The following ZZZ3 variants were observed in gnomAD, a reference collection of about 807,000 sequenced individuals.
ZZZ3 encodes zinc finger ZZ-type containing 3, also known as ZZ-type zinc finger-containing protein 3.
Under a neutral mutation model 95.2 loss-of-function variants are expected in ZZZ3, and 22 were observed. The ratio of observed to expected loss-of-function variants is 0.23; its 90% CI spans 0.17 to 0.33. The LOEUF is 0.33. ZZZ3 is among the 10% of genes least tolerant of loss of function. The pLI is 1.00. For missense variants in ZZZ3, 885 were observed against 1,066.5 expected, an observed-to-expected ratio of 0.83 and a Z score of 2.37; for synonymous variants, 335 against 358.9, an observed-to-expected ratio of 0.93 and a Z score of 0.75.
rs1027354 is a variant in ZZZ3 at position 77,565,748 on chromosome 1, T to C, written c.2604A>G (p.Gln868=). The part of the protein sequence containing the change: ...HETDIHKEDH[Q]LEPIYRSETF... Reference sequence around the variant, plus strand: ...TCTCTGACCTATAAATAGGTTCTAATTGGTGATCTTCCTTGTGAATATCTG... The same window carrying C: ...TCTCTGACCTATAAATAGGTTCTAACTGGTGATCTTCCTTGTGAATATCTG... Residue 868 remains glutamine, a synonymous_variant, in exon 15 of 15, where the codon CAA becomes CAG. Transcript: ENST00000370801. 4.3e-4 allele frequency: 696 copies of C among 1,613,724 alleles called. 5 individuals are homozygous for C. In the African/African-American group the frequency reaches 8.4e-3, roughly 19 times the overall value.
intron 4 of ZZZ3, among the ~76,000 whole-genome samples, chr1:77,636,941 A>C (rs1445853205): frequency 1.3e-5 from 2 of 152,176 alleles, no homozygotes; most frequent in Admixed American, 6.5e-5. Context: ...ATTCTGTGCT[A>C]TTGGGCTGTA....
At chr1:77,572,633 C>T (rs535109672) in intron 12 of ZZZ3, among the ~76,000 whole-genome samples, 4 of 151,556 alleles carry the variant, frequency 2.6e-5, no homozygotes, top group South Asian at 2.1e-4. Context: ...ACACTGCGCC[C>T]GGCCTTTTTG....
At chr1:77,668,054 G>A (rs116542517) in intron 1 of ZZZ3, among the ~76,000 whole-genome samples, 1,885 of 151,650 alleles carry the variant, frequency 0.012, 36 homozygotes, top group African/African-American at 0.044. Context: ...GGTGTGAGCC[G>A]CTACACCTGG....
chr1:77,651,469 T>C (rs1166087594), intron 1 of ZZZ3, among the ~76,000 whole-genome samples: 1 of 152,190 alleles, frequency 6.6e-6, no homozygotes, highest in East Asian at 1.9e-4. Flanking sequence ...CATATGATGC[T>C]AAAAGCATAA....
chr1:77,607,384 T>C (rs534712653), intron 5 of ZZZ3, among the ~76,000 whole-genome samples: 3 of 152,298 alleles, frequency 2.0e-5, no homozygotes, highest in East Asian at 3.9e-4. Flanking sequence ...AAGGTGAGAC[T>C]TGGGTGGGAA....
intron 5 of ZZZ3, among the ~76,000 whole-genome samples, chr1:77,602,900 G>A (rs1341564243): frequency 4.6e-5 from 7 of 151,980 alleles, no homozygotes; most frequent in Admixed American, 4.6e-4. Context: ...ACCACGCTCG[G>A]CTACATGAGT....
In ZZZ3 at chr1:77,669,439, A is replaced by G. The variant is rs193157544; in HGVS notation, c.-403+13146T>C. 5.3e-3 allele frequency among the ~76,000 whole-genome samples: 805 copies of G among 151,912 alleles called. 8 individuals carry two copies. The highest frequency in any genetic ancestry group is 0.018 in the African/African-American group (759 of 41,394). On this transcript the variant is annotated intron_variant, in intron 1 of 14. Coordinates refer to ENST00000370801, the MANE Select transcript of ZZZ3 (RefSeq NM_015534.6). ...AGAAATTAAGAGCTAGAATACCATT[A>G]AACTTTCTTTCTCAGTTTTTTTTTT... is the stretch of plus-strand genomic sequence containing the variant.
intron 5 of ZZZ3, among the ~76,000 whole-genome samples, chr1:77,588,163 C>T (rs1663296720): frequency 6.6e-6 from 1 of 152,156 alleles, no homozygotes; most frequent in Non-Finnish European, 1.5e-5. Flanking sequence ...GTTCAAGGGT[C>T]AACTGTGGTG....
At chr1:77,604,788 CAA>C (rs1570479988) in intron 5 of ZZZ3, among the ~76,000 whole-genome samples, 1 of 152,120 alleles carries the variant, frequency 6.6e-6, no homozygotes, top group Non-Finnish European at 1.5e-5. Flanking sequence ...AACCACATTC[CAA>C]AGTTTCCTAT....
chr1:77,637,535 T>A (rs1668413672), intron 4 of ZZZ3, among the ~76,000 whole-genome samples: 1 of 152,172 alleles, frequency 6.6e-6, no homozygotes, highest in African/African-American at 2.4e-5. Flanking sequence ...ATGTCTAGAT[T>A]AGCCAGGTGC....
intron 5 of ZZZ3, among the ~76,000 whole-genome samples, chr1:77,615,366 C>T (rs183811420): frequency 1.8e-4 from 27 of 152,188 alleles, no homozygotes; most frequent in Middle Eastern, 3.4e-3. Context: ...AGTATGACAA[C>T]GGTTAAAATC....
chr1:77,620,195 T>A (rs988218199), intron 5 of ZZZ3, among the ~76,000 whole-genome samples: 2 of 152,140 alleles, frequency 1.3e-5, no homozygotes, highest in African/African-American at 4.8e-5. Context: ...CAGTTAGGCA[T>A]ATGAGGAGGG....
chr1:77,569,678 G>C (rs1426689765), intron 12 of ZZZ3, among the ~76,000 whole-genome samples: 1 of 152,050 alleles, frequency 6.6e-6, no homozygotes, highest in East Asian at 1.9e-4. Context: ...GCCATACCTT[G>C]GACCTTGCCT....
At chr1:77,676,506 A>G (rs1672283137) in intron 1 of ZZZ3, among the ~76,000 whole-genome samples, 1 of 152,234 alleles carries the variant, frequency 6.6e-6, no homozygotes, top group South Asian at 2.1e-4. Flanking sequence ...TCTCTGTTCA[A>G]AAAGGGGGAA....
chr1:77,659,800 G>C (rs1670626108), intron 1 of ZZZ3, among the ~76,000 whole-genome samples: 2 of 151,766 alleles, frequency 1.3e-5, no homozygotes, highest in Admixed American at 1.3e-4. Flanking sequence ...AGGATTGGGG[G>C]AAGGCAGAGC....
At chr1:77,582,191 C>A (rs968210350) in intron 6 of ZZZ3, 65 bp from the exon 7 acceptor site, 94 of 1,474,178 alleles carry the variant, frequency 6.4e-5, no homozygotes, top group Middle Eastern at 2.2e-4. Context: ...AAATAATCCA[C>A]CACAGTCAAA....
chr1:77,610,769 A>T (rs1157497698), intron 5 of ZZZ3, among the ~76,000 whole-genome samples: 5 of 146,112 alleles, frequency 3.4e-5, no homozygotes, highest in African/African-American at 5.0e-5. Context: ...CTTCATGATT[A>T]AAAAAAAAAA....
chr1:77,640,833 C>G (rs1424890780), intron 3 of ZZZ3: 2 of 152,102 alleles, frequency 1.3e-5, no homozygotes, highest in African/African-American at 2.4e-5. Flanking sequence ...GGCAGACTTA[C>G]TGCATAATAA....
At chr1:77,658,921 T>C (rs1670535650) in intron 1 of ZZZ3, among the ~76,000 whole-genome samples, 1 of 152,218 alleles carries the variant, frequency 6.6e-6, no homozygotes, top group African/African-American at 2.4e-5. Flanking sequence ...TTGTTAAAAA[T>C]TCTAAATGCA....
Sources: gnomAD v4.1 joint callset for allele counts (sites outside exome capture counted in the v4.1 genomes callset) on GRCh38, gnomAD v4.1.1 for gene constraint, MANE v1.5 for transcripts, NCBI Gene and HGNC (gene_info 2026-07-23, HGNC 2026-07-21) for gene names.